The following OR1I1 variants were observed in gnomAD, a reference collection of about 807,000 sequenced individuals.
OR1I1 encodes the protein olfactory receptor family 1 subfamily I member 1, also known as olfactory receptor 1I1.
For missense variants in OR1I1, 451 were observed against 443.6 expected, an observed-to-expected ratio of 1.02 and a Z score of -0.15; for synonymous variants, 171 against 181.4, an observed-to-expected ratio of 0.94 and a Z score of 0.46.
Position 15,087,499 on chromosome 19 carries a change from T to C in OR1I1, c.434T>C (p.Leu145Pro). ...LMCSPVCGLL[L>P]GASWMITNLQ... ...TGCTCCCCTGTCTGTGGGCTGCTGC[T>C]GGGAGCATCATGGATGATCACCAAC... Residue 145 changes from leucine to proline, a missense_variant, in exon 2 of 2, where the codon CTG (leucine) becomes CCG (proline). Transcript: ENST00000641398. 1 of 1,614,206 alleles carries C rather than the reference T, an allele frequency of 6.2e-7. No homozygotes were observed. Among genetic ancestry groups the C allele is most frequent in the East Asian group, 2.2e-5 (1 of 44,878 alleles).
chr19:15,086,724 G>A (rs1380267833), intron 1 of OR1I1, among the ~76,000 whole-genome samples: 1 of 152,058 alleles, frequency 6.6e-6, no homozygotes, highest in Non-Finnish European at 1.5e-5. Flanking sequence ...CCAAAGTGCT[G>A]GGATTACAGG....
chr19:15,086,608 C>G, intron 1 of OR1I1, among the ~76,000 whole-genome samples: 1 of 151,856 alleles, frequency 6.6e-6, no homozygotes, highest in East Asian at 2.0e-4. Context: ...CGCCCACCAC[C>G]ACGCCTGATT....
chr19:15,086,883 A>G (rs373561889), intron 1 of OR1I1, 170 bp from the exon 2 acceptor site: 2 of 1,037,042 alleles, frequency 1.9e-6, no homozygotes, highest in Non-Finnish European at 2.7e-6. Flanking sequence ...TGGCTTGAGG[A>G]GCAACAGAAG....
rs781220616 is a variant in OR1I1 at position 15,087,214 on chromosome 19, T to C, written c.149T>C (p.Ile50Thr). The C allele has an allele frequency of 2.5e-6, 4 of 1,614,002 alleles. No individual in the cohort carries two copies. Among genetic ancestry groups the C allele is most frequent in the African/African-American group, 1.3e-5 (1 of 74,928 alleles). The change falls in exon 2 of 2, where the codon ATC (isoleucine) becomes ACC (threonine). Residue 50 changes from isoleucine (I) to threonine (T), a missense_variant. Physicochemically the swap from Ile to Thr is moderately conservative, Grantham distance 89. Coordinates refer to ENST00000641398, the MANE Select transcript of OR1I1 (RefSeq NM_001004713.2). ...IGNALIILAI[I>T]TDSHLHTPMY... ...AATGCCCTCATTATCCTGGCCATCATCACGGACTCTCACCTCCACACACCC... is the reference window on the plus strand; with the variant it reads ...AATGCCCTCATTATCCTGGCCATCACCACGGACTCTCACCTCCACACACCC...
chr19:15,085,761 A>C (rs2046228006), intron 1 of OR1I1, among the ~76,000 whole-genome samples: 1 of 151,662 alleles, frequency 6.6e-6, no homozygotes. Context: ...TTTAAATTCC[A>C]CATATAAGTG....
chr19:15,087,089 AATCTCAGAATTCTTCCTCC>A lies in OR1I1; in HGVS notation c.26_44del (p.Ile9ArgfsTer68). ...ACATGGAACCAGAAAAGCAAACCGA[AATCTCAGAATTCTTCCTCC>A]AGGGACTCTCAGAAAAGCCAGAGCA... On this transcript the variant is annotated frameshift_variant, in exon 2 of 2. Coordinates refer to ENST00000641398, the MANE Select transcript of OR1I1 (RefSeq NM_001004713.2). LOFTEE classifies it low-confidence loss of function (END_TRUNC). 6.2e-7 allele frequency: 1 copy of A among 1,612,888 alleles called. No homozygotes were observed. Among genetic ancestry groups the A allele is most frequent in the Non-Finnish European group, 8.5e-7 (1 of 1,179,242 alleles).
chr19:15,085,130 TTATATATATATATA>T (rs775570074), intron 1 of OR1I1, among the ~76,000 whole-genome samples: 2 of 28,522 alleles, frequency 7.0e-5, no homozygotes, highest in African/African-American at 1.9e-4. Flanking sequence ...CATTTTTGAC[TTATATATATATATA>T]TATATATATA....
At position 15,087,314 on chromosome 19, in the gene OR1I1, G is replaced by C; in HGVS notation, c.249G>C (p.Ala83=). Residue 83 remains alanine (A), a synonymous_variant, in exon 2 of 2, where the codon GCG becomes GCC. Transcript: ENST00000641398. Reference sequence around the variant, plus strand: ...CCACCACCGTCCCCAAGATGCTAGCGAACATCCAGGCTCAGAGCAGAGCCA... The same window carrying C: ...CCACCACCGTCCCCAAGATGCTAGCCAACATCCAGGCTCAGAGCAGAGCCA... ...LSSTTVPKML[A]NIQAQSRAIP... 2 of 1,614,096 alleles carry C rather than the reference G, an allele frequency of 1.2e-6. No individual in the cohort carries two copies. Among genetic ancestry groups the C allele is most frequent in the East Asian group, 2.2e-5 (1 of 44,880 alleles).
chr19:15,085,784 ATCTG>A (rs1372716608), intron 1 of OR1I1, among the ~76,000 whole-genome samples: 3 of 152,058 alleles, frequency 2.0e-5, no homozygotes, highest in African/African-American at 7.2e-5. Flanking sequence ...ACCATGTGGT[ATCTG>A]TCTTTCTGTA....
At position 15,082,886 on chromosome 19, in the gene OR1I1, C is replaced by T. The variant is rs192581289; in HGVS notation, c.-14+610C>T. 2.7e-3 allele frequency among the ~76,000 whole-genome samples: 413 copies of T among 152,116 alleles called. 2 individuals carry two copies. Among genetic ancestry groups the T allele is most frequent in the Non-Finnish European group, 4.0e-3 (272 of 67,982 alleles). ...GTGCAGTGGCATTATCATAGCTCAT[C>T]GCAGCCTCGACCTCCCAAGCTCAAG... On this transcript the variant is annotated intron_variant, in intron 1 of 1. Coordinates refer to ENST00000641398, the MANE Select transcript of OR1I1 (RefSeq NM_001004713.2).
intron 1 of OR1I1, among the ~76,000 whole-genome samples, chr19:15,085,825 C>T (rs12608898): frequency 0.57 from 86,745 of 151,670 alleles, 26,191 homozygotes; most frequent in Non-Finnish European, 0.68. Flanking sequence ...AACAGAATGT[C>T]CTTCAGTTTC....
intron 1 of OR1I1, among the ~76,000 whole-genome samples, chr19:15,084,671 G>A (rs1434364461): frequency 6.6e-6 from 1 of 151,992 alleles, no homozygotes; most frequent in East Asian, 1.9e-4. Flanking sequence ...TATGGCACAC[G>A]TTTACCTATG....
intron 1 of OR1I1, among the ~76,000 whole-genome samples, chr19:15,084,853 T>C (rs1240709041): frequency 1.3e-5 from 2 of 151,140 alleles, no homozygotes; most frequent in Non-Finnish European, 2.9e-5. Context: ...GAGGGCAAAA[T>C]AAAAACACCT....
rs1387902483 is a variant in OR1I1 at position 15,085,157 on chromosome 19, TATATA to T, written c.-13-1895_-13-1891del. On this transcript the variant is annotated intron_variant, in intron 1 of 1. Coordinates refer to ENST00000641398, the MANE Select transcript of OR1I1 (RefSeq NM_001004713.2). ...ATATATATATATATATATATATATA[TATATA>T]TATATATATATATATTTTTTTTTTT... Among the ~76,000 whole-genome samples, 161 of 41,194 alleles carry T rather than the reference TATATA, an allele frequency of 3.9e-3. 7 individuals carry two copies. Among genetic ancestry groups the T allele is most frequent in the African/African-American group, 0.019 (141 of 7,602 alleles). The allele number at this position is 41,194 out of a possible 152,430, so 27.0% of individuals were successfully genotyped here. A position where few individuals can be genotyped will look rare whatever the true frequency, so the allele number is the denominator to read the frequency against.
Position 15,087,674 on chromosome 19 carries a change from C to T in OR1I1, c.609C>T (p.Gly203=). 2 of 1,614,208 alleles carry T rather than the reference C, an allele frequency of 1.2e-6. No individual in the cohort carries two copies. The highest frequency in any genetic ancestry group is 1.7e-6 in the Non-Finnish European group (2 of 1,180,034). Residue 203 remains glycine (G), a synonymous_variant, in exon 2 of 2, where the codon GGC becomes GGT. Coordinates refer to ENST00000641398, the MANE Select transcript of OR1I1 (RefSeq NM_001004713.2). ...HTNELVIFAF[G]IVVGTSPFSC... is the part of the protein sequence containing the mutation. ...ACGAGCTGGTGATCTTTGCTTTTGG[C>T]ATTGTCGTGGGCACCAGCCCATTCT...
At chr19:15,083,881 G>A (rs1020781011) in intron 1 of OR1I1, among the ~76,000 whole-genome samples, 17 of 152,110 alleles carry the variant, frequency 1.1e-4, no homozygotes, top group African/African-American at 3.6e-4. Flanking sequence ...CCAGCTATTC[G>A]GGTGGCTGAG....
chr19:15,088,210 A>G lies in OR1I1; in HGVS notation c.*77A>G, dbSNP rs1056184816. On this transcript the variant is annotated 3_prime_UTR_variant, in exon 2 of 2. Coordinates refer to ENST00000641398, the MANE Select transcript of OR1I1 (RefSeq NM_001004713.2). The stretch of plus-strand genomic sequence containing the variant: ...ATGAGCACCCAAAGGAAAGGTGTGC[A>G]TTTTCCCCAGGATTTATCTTCCCCA... The G allele has an allele frequency of 7.5e-6, 11 of 1,458,384 alleles. No individual in the cohort carries two copies. Among genetic ancestry groups the G allele is most frequent in the East Asian group, 7.5e-5 (3 of 40,228 alleles). The allele number at this position is 1,458,384 out of a possible 1,614,324, so 90.3% of individuals were successfully genotyped here. A position where few individuals can be genotyped will look rare whatever the true frequency, so the allele number is the denominator to read the frequency against.
Position 15,088,812 on chromosome 19 carries a change from G to GATAGACAGATAGATAC in OR1I1, c.*684_*685insCAGATAGATACATAGA. On this transcript the variant is annotated 3_prime_UTR_variant, in exon 2 of 2. Coordinates refer to ENST00000641398, the MANE Select transcript of OR1I1 (RefSeq NM_001004713.2). ...AGATAGATAGATAGATAGATAGATA[G>GATAGACAGATAGATAC]ATAGATAGATATACAGATAGATACA... 7.9e-6 allele frequency: 1 copy of GATAGACAGATAGATAC among 127,324 alleles called. No individual in the cohort carries two copies. Among genetic ancestry groups the GATAGACAGATAGATAC allele is most frequent in the East Asian group, 2.5e-4 (1 of 3,962 alleles). 7.9% of individuals were successfully genotyped at this position (127,324 alleles called of 1,614,324 possible). A position where few individuals can be genotyped will look rare whatever the true frequency, so the allele number is the denominator to read the frequency against.
chr19:15,087,872 G>A lies in OR1I1; in HGVS notation c.807G>A (p.Gln269=). The change falls in exon 2 of 2, where the codon CAG becomes CAA. Residue 269 remains glutamine (Q), a synonymous_variant. Coordinates refer to ENST00000641398, the MANE Select transcript of OR1I1 (RefSeq NM_001004713.2). ...AGCCCACATCCCCCAGCTCCTCCCA[G>A]AAGGACAAGGCAGCCGCCCTAATGT... ...YLQPTSPSSS[Q]KDKAAALMCG... is the part of the protein sequence containing the mutation. 6.2e-7 allele frequency: 1 copy of A among 1,614,150 alleles called. No individual in the cohort carries two copies. Among genetic ancestry groups the A allele is most frequent in the Non-Finnish European group, 8.5e-7 (1 of 1,180,040 alleles).
Sources: allele counts gnomAD v4.1 joint callset (sites outside exome capture counted in the v4.1 genomes callset), GRCh38; gene constraint gnomAD v4.1.1; transcripts MANE v1.5; gene names NCBI Gene and HGNC (gene_info 2026-07-23, HGNC 2026-07-21).